Variants in UGT1A8 observed in about 807,000 individuals in gnomAD.
The protein encoded by UGT1A8 is UDP glucuronosyltransferase family 1 member A8.
Under a neutral mutation model 45.3 loss-of-function variants are expected in UGT1A8, and 39 were observed. The observed-to-expected ratio is 0.86, with a 90% CI of 0.67 to 1.12. UGT1A8 has a LOEUF of 1.12. Ranked by LOEUF, UGT1A8 falls within the 50% of genes most tolerant of loss-of-function variation. The pLI is 0.00. For missense variants in UGT1A8, 719 were observed against 664.9 expected (o/e 1.08, Z -0.90); for synonymous variants, 275 against 249.2 (o/e 1.10, Z -0.97).
intron 1 of UGT1A8, chr2:233,672,176 A>G (rs760402326): frequency 6.2e-7 from 1 of 1,614,088 alleles, no homozygotes; most frequent in Non-Finnish European, 8.5e-7. Context: ...TCAACTTCAT[A>G]TACCCTGGAG....
intron 1 of UGT1A8, among the ~76,000 whole-genome samples, chr2:233,757,567 T>TATATATATATATATATATA (rs1553619947): frequency 7.0e-6 from 1 of 142,920 alleles, no homozygotes; most frequent in Non-Finnish European, 1.5e-5. Flanking sequence ...TATATGTATA[T>TATATATATATATATATATA]ATGATATAGC....
chr2:233,747,983 C>T (rs539831908), intron 1 of UGT1A8: 1 of 1,613,300 alleles, frequency 6.2e-7, no homozygotes, highest in Non-Finnish European at 8.5e-7. Flanking sequence ...TGTGGCTGTT[C>T]CGAGGGGACT....
intron 1 of UGT1A8, among the ~76,000 whole-genome samples, chr2:233,720,911 A>G (rs1392017117): frequency 6.8e-6 from 1 of 146,884 alleles, no homozygotes; most frequent in Admixed American, 6.8e-5. Flanking sequence ...AGGTTTCGCA[A>G]TGTTAGCCAG....
In UGT1A8 at chr2:233,769,436, T is replaced by TGTGGGTGCACACGTGTGCATTCATATGC; in HGVS notation, c.1295+1001_1295+1028dup. The TGTGGGTGCACACGTGTGCATTCATATGC allele has an allele frequency of 6.4e-7, 1 of 1,552,200 alleles. No individual in the cohort carries two copies. The highest frequency in any genetic ancestry group is 2.3e-5 in the East Asian group (1 of 44,346). ...GTTTGTGCATGTGGCTGTGCTCATG[T>TGTGGGTGCACACGTGTGCATTCATATGC]GTGGGTGCACACGTGTGCATTCATA... is the stretch of plus-strand genomic sequence containing the variant. On this transcript the variant is annotated intron_variant, in intron 4 of 4. Coordinates refer to ENST00000373450, the MANE Select transcript of UGT1A8 (RefSeq NM_019076.5). The surrounding 1 kb of genome is among the most constrained non-coding windows in gnomAD (Gnocchi z 4.4).
intron 1 of UGT1A8, among the ~76,000 whole-genome samples, chr2:233,708,924 G>A (rs907021830): frequency 1.3e-5 from 2 of 152,096 alleles, no homozygotes; most frequent in African/African-American, 4.8e-5. Context: ...TTGCTACAGA[G>A]CCAAACTATG....
At chr2:233,685,298 G>T (rs937897898) in intron 1 of UGT1A8, among the ~76,000 whole-genome samples, 1 of 152,168 alleles carries the variant, frequency 6.6e-6, no homozygotes, top group African/African-American at 2.4e-5. Context: ...CTTTCAAAGT[G>T]TTGAGATTAC....
chr2:233,707,937 C>A (rs1197713687), intron 1 of UGT1A8, among the ~76,000 whole-genome samples: 2 of 152,160 alleles, frequency 1.3e-5, no homozygotes, highest in Non-Finnish European at 2.9e-5. Flanking sequence ...ACTTATCAGT[C>A]ATTTGGATTT....
chr2:233,717,558 G>A (rs1360566247), intron 1 of UGT1A8, among the ~76,000 whole-genome samples: 1 of 152,238 alleles, frequency 6.6e-6, no homozygotes, highest in Non-Finnish European at 1.5e-5. Context: ...AGCAATGGCA[G>A]ACATGGCCAG....
chr2:233,678,389 G>A (rs1404251186), intron 1 of UGT1A8, among the ~76,000 whole-genome samples: 1 of 152,176 alleles, frequency 6.6e-6, no homozygotes, highest in Non-Finnish European at 1.5e-5. Flanking sequence ...GGCTGTGGAG[G>A]AGGAGGAGTA....
At chr2:233,721,692 C>T (rs77600287) in intron 1 of UGT1A8, 13,894 of 352,288 alleles carry the variant, frequency 0.039, 386 homozygotes, top group Non-Finnish European at 0.058. Context: ...CTCTGCAAGA[C>T]GCATGGCTCA....
At chr2:233,648,900 T>A in intron 1 of UGT1A8, 1 of 1,333,360 alleles carries the variant, frequency 7.5e-7, no homozygotes, top group Non-Finnish European at 1.1e-6. Flanking sequence ...TGGCATATGA[T>A]CTCTACAGCC....
chr2:233,633,267 A>AT (rs1354687303), intron 1 of UGT1A8, among the ~76,000 whole-genome samples: 1 of 151,958 alleles, frequency 6.6e-6, no homozygotes, highest in African/African-American at 2.4e-5. Flanking sequence ...TTGGCCTGAA[A>AT]TTTTTTTGGT....
intron 1 of UGT1A8, among the ~76,000 whole-genome samples, chr2:233,764,664 G>A (rs1266153786): frequency 6.6e-6 from 1 of 152,094 alleles, no homozygotes; most frequent in African/African-American, 2.4e-5. Flanking sequence ...ATTTACCAAC[G>A]CTCAGAAGAA....
intron 1 of UGT1A8, chr2:233,742,068 T>A (rs185159129): frequency 2.0e-5 from 3 of 151,914 alleles, no homozygotes; most frequent in African/African-American, 7.3e-5. Context: ...TGTGGCCTTA[T>A]GGAGATCCTT....
At chr2:233,647,501 G>A (rs1249134541) in intron 1 of UGT1A8, among the ~76,000 whole-genome samples, 2 of 152,196 alleles carry the variant, frequency 1.3e-5, no homozygotes, top group African/African-American at 4.8e-5. Flanking sequence ...TATCAGTGAA[G>A]TCATCAGAAC....
At chr2:233,713,103 G>A (rs1256796601) in intron 1 of UGT1A8, 42 of 1,614,068 alleles carry the variant, frequency 2.6e-5, no homozygotes, top group Non-Finnish European at 3.4e-5. Flanking sequence ...GCCCACTGAT[G>A]GCAGCCACTG....
At chr2:233,698,000 T>C (rs1454032719) in intron 1 of UGT1A8, among the ~76,000 whole-genome samples, 1 of 152,170 alleles carries the variant, frequency 6.6e-6, no homozygotes, top group Non-Finnish European at 1.5e-5. Context: ...GGAAAAAATA[T>C]CATTTCTGCA....
chr2:233,729,076 T>C (rs907733585), intron 1 of UGT1A8: 3 of 1,612,000 alleles, frequency 1.9e-6, no homozygotes, highest in Non-Finnish European at 2.5e-6. Context: ...AAAGCAAATG[T>C]AGCAGGCACA....
At chr2:233,684,484 G>A (rs1575433006) in intron 1 of UGT1A8, among the ~76,000 whole-genome samples, 1 of 152,086 alleles carries the variant, frequency 6.6e-6, no homozygotes, top group African/African-American at 2.4e-5. Context: ...GTGGCTCAAA[G>A]GGTCACCCAA....
Sources: gnomAD v4.1 joint callset for allele counts (sites outside exome capture counted in the v4.1 genomes callset) on GRCh38, gnomAD v4.1.1 for gene constraint, Gnocchi (gnomAD v3.1) non-coding constraint, MANE v1.5 for transcripts, NCBI Gene and HGNC (gene_info 2026-07-23, HGNC 2026-07-21) for gene names.